The following DAW1 variants were observed in gnomAD, a reference collection of about 807,000 sequenced individuals.
The protein encoded by DAW1 is dynein assembly factor with WD repeat domains 1.
A neutral mutation model predicts 56.5 loss-of-function variants in DAW1; 47 were observed. That is an observed-to-expected ratio of 0.83 (90% CI 0.66 to 1.06). The LOEUF is 1.06. Ranked by LOEUF, DAW1 falls within the 50% of genes least tolerant of loss-of-function variation. DAW1 has a pLI of 0.00. For missense variants in DAW1, 505 were observed against 499.3 expected (o/e 1.01, Z -0.11); for synonymous variants, 190 against 179.0 (o/e 1.06, Z -0.49).
chr2:227,919,209 G>GA lies in DAW1; in HGVS notation c.1050+368dup, dbSNP rs58496380. Among the ~76,000 whole-genome samples, 760 of 134,752 alleles carry GA rather than the reference G, an allele frequency of 5.6e-3. 1 individual carries two copies. The highest frequency in any genetic ancestry group is 0.02 in the African/African-American group (700 of 35,886). 88.4% of individuals were successfully genotyped at this position (134,752 alleles called of 152,430 possible). ...AGACCCTATCTAGAAAAAAAAAAAA[G>GA]AAAAAAAAAAAAAAAGCATGCTCAG... On this transcript the variant is annotated intron_variant, in intron 11 of 12. Coordinates refer to ENST00000309931, the MANE Select transcript of DAW1 (RefSeq NM_178821.3).
At chr2:227,899,937 C>T (rs371860784) in intron 6 of DAW1, among the ~76,000 whole-genome samples, 6 of 152,184 alleles carry the variant, frequency 3.9e-5, no homozygotes, top group Admixed American at 1.3e-4. Flanking sequence ...GGAACAAAAA[C>T]AAGCTGCTTA....
At chr2:227,917,209 G>A (rs112932063) in intron 10 of DAW1, among the ~76,000 whole-genome samples, 3 of 149,724 alleles carry the variant, frequency 2.0e-5, no homozygotes, top group African/African-American at 7.4e-5. Flanking sequence ...TCTATCGATC[G>A]ATCTATCTAC....
chr2:227,922,812 C>T (rs1692142993), intron 12 of DAW1, among the ~76,000 whole-genome samples: 2 of 152,168 alleles, frequency 1.3e-5, no homozygotes, highest in South Asian at 4.1e-4. Flanking sequence ...TTTGAAAGCA[C>T]TGGGAAAACA....
chr2:227,911,170 GTA>G (rs1480427689), intron 10 of DAW1, among the ~76,000 whole-genome samples: 26 of 135,100 alleles, frequency 1.9e-4, no homozygotes, highest in African/African-American at 6.7e-4. Context: ...TAAGAATCAT[GTA>G]TAGTTATATA....
At chr2:227,874,324 T>G (rs1690825449) in intron 1 of DAW1, among the ~76,000 whole-genome samples, 1 of 152,234 alleles carries the variant, frequency 6.6e-6, no homozygotes, top group South Asian at 2.1e-4. Context: ...TTCCAGCTTC[T>G]TATCTTATTT....
At position 227,918,510 on chromosome 2, in the gene DAW1, A is replaced by G. The variant is rs145249247; in HGVS notation, c.974-270A>G. On this transcript the variant is annotated intron_variant, in intron 10 of 12. Transcript: ENST00000309931. ...TTCTCTTAAAGTTTTTTCTTTCTGG[A>G]TTCCTGCTTCTTGGTCTCTTTTCTA... 1.9e-3 allele frequency among the ~76,000 whole-genome samples: 295 copies of G among 151,906 alleles called. 1 individual carries two copies. Among genetic ancestry groups the G allele is most frequent in the African/African-American group, 5.6e-3 (233 of 41,412 alleles).
At chr2:227,878,185 T>C (rs1690928843) in intron 1 of DAW1, among the ~76,000 whole-genome samples, 1 of 152,358 alleles carries the variant, frequency 6.6e-6, no homozygotes, top group Non-Finnish European at 1.5e-5. Flanking sequence ...TATTATTTTA[T>C]TGCTTATTCA....
At chr2:227,872,148 G>A (rs543022949) in intron 1 of DAW1, 1 of 163,130 alleles carries the variant, frequency 6.1e-6, no homozygotes, top group East Asian at 1.7e-4. Flanking sequence ...TCTAATTTTA[G>A]GTGAGGACAT....
intron 10 of DAW1, among the ~76,000 whole-genome samples, chr2:227,917,310 G>T (rs1691978834): frequency 6.6e-6 from 1 of 151,074 alleles, no homozygotes; most frequent in Non-Finnish European, 1.5e-5. Flanking sequence ...GCCCAGGTGG[G>T]ACTGCAGTGG....
chr2:227,893,968 C>T, intron 5 of DAW1, 51 bp downstream of exon 5: 1 of 1,483,646 alleles, frequency 6.7e-7, no homozygotes, highest in South Asian at 1.4e-5. Context: ...ATTCATCCCT[C>T]CATCTGCTTG....
intron 7 of DAW1, 135 bp downstream of exon 7, chr2:227,903,244 G>C: frequency 1.1e-6 from 1 of 871,406 alleles, no homozygotes. Flanking sequence ...GTCCCTACTG[G>C]TTTCCTGGCT....
intron 1 of DAW1, among the ~76,000 whole-genome samples, chr2:227,873,387 C>T (rs907938704): frequency 6.6e-6 from 1 of 152,128 alleles, no homozygotes; most frequent in Non-Finnish European, 1.5e-5. Context: ...ATTGTAGCAC[C>T]CTCAGCTTCT....
At chr2:227,910,081 G>A (rs1002812134) in intron 10 of DAW1, among the ~76,000 whole-genome samples, 6 of 152,012 alleles carry the variant, frequency 3.9e-5, no homozygotes, top group African/African-American at 7.2e-5. Flanking sequence ...TGTGTTATGC[G>A]TACCTTATTC....
intron 10 of DAW1, among the ~76,000 whole-genome samples, chr2:227,916,354 A>C (rs893583618): frequency 1.3e-5 from 2 of 152,150 alleles, no homozygotes; most frequent in Non-Finnish European, 2.9e-5. Flanking sequence ...TGACAACTAT[A>C]TATGGTGCCA....
chr2:227,883,890 C>A (rs1195627813), intron 1 of DAW1, among the ~76,000 whole-genome samples: 1 of 152,114 alleles, frequency 6.6e-6, no homozygotes, highest in Non-Finnish European at 1.5e-5. Context: ...AAAAATTTCT[C>A]AATTTTAGTT....
At chr2:227,885,321 G>A (rs1691097850) in intron 1 of DAW1, 30 bp from the exon 2 acceptor site, 1 of 1,497,424 alleles carries the variant, frequency 6.7e-7, no homozygotes, top group South Asian at 1.3e-5. Flanking sequence ...TATCGTAAGT[G>A]TTTTATAACA....
At chr2:227,910,091 CTTTGA>C (rs1319262034) in intron 10 of DAW1, among the ~76,000 whole-genome samples, 3 of 152,102 alleles carry the variant, frequency 2.0e-5, no homozygotes, top group African/African-American at 7.2e-5. Context: ...GTACCTTATT[CTTTGA>C]TAGTCATATA....
In DAW1 at chr2:227,918,763, C is replaced by A. The variant is rs1533960; in HGVS notation, c.974-17C>A. On this transcript the variant is annotated splice_polypyrimidine_tract_variant and intron_variant, in intron 10 of 12. Transcript: ENST00000309931. ...ATTTAAGATGAATTTATATATATCC[C>A]CACCCCTCTCAAAAAGGAACAGCAA... 381,701 of 1,612,214 alleles carry A rather than the reference C, an allele frequency of 0.24. 47,648 individuals carry two copies. Among genetic ancestry groups the A allele is most frequent in the Non-Finnish European group, 0.26 (302,786 of 1,178,632 alleles).
At chr2:227,907,050 G>A (rs1031228190) in intron 9 of DAW1, 88 bp from the exon 10 acceptor site, 209 of 808,290 alleles carry the variant, frequency 2.6e-4, no homozygotes, top group Non-Finnish European at 1.8e-5. Flanking sequence ...CCAGCCATAA[G>A]CATGTCATGA....
Sources: allele counts gnomAD v4.1 joint callset (sites outside exome capture counted in the v4.1 genomes callset), GRCh38; gene constraint gnomAD v4.1.1; transcripts MANE v1.5; gene names NCBI Gene and HGNC (gene_info 2026-07-23, HGNC 2026-07-21).